Variants in SYNPO2 observed in about 807,000 individuals in gnomAD.
SYNPO2 encodes the protein synaptopodin 2, also known as synaptopodin-2.
In SYNPO2, 56 loss-of-function variants were observed where a neutral mutation model predicts 85.0. That is an observed-to-expected ratio of 0.66 (90% CI 0.53 to 0.82). The LOEUF (loss-of-function observed/expected upper bound fraction) is 0.82, where lower values mean the gene tolerates loss of function less well. SYNPO2 is among the 40% of genes least tolerant of loss of function. SYNPO2 has a pLI of 0.00. For synonymous variants in SYNPO2, 602 were observed against 591.1 expected, an observed-to-expected ratio of 1.02 and a Z score of -0.27; for missense variants, 1,575 against 1,534.2, an observed-to-expected ratio of 1.03 and a Z score of -0.44.
chr4:118,981,398 C>T (rs1736002215), intron 1 of SYNPO2, among the ~76,000 whole-genome samples: 1 of 152,148 alleles, frequency 6.6e-6, no homozygotes, highest in Admixed American at 6.5e-5. Context: ...CCAATTAGAG[C>T]AGACCCCCCA....
intron 1 of SYNPO2, among the ~76,000 whole-genome samples, chr4:119,005,264 G>A (rs1463259014): frequency 6.6e-6 from 1 of 152,110 alleles, no homozygotes; most frequent in Non-Finnish European, 1.5e-5. Flanking sequence ...GGCTTTTGTT[G>A]CCATTGCTTT....
At chr4:118,922,858 A>C (rs531844471) in intron 1 of SYNPO2, among the ~76,000 whole-genome samples, 1 of 152,296 alleles carries the variant, frequency 6.6e-6, no homozygotes, top group South Asian at 2.1e-4. Context: ...ATTCGGCTCC[A>C]GTCTGTTAAA....
intron 1 of SYNPO2, among the ~76,000 whole-genome samples, chr4:118,853,104 ATCACT>A (rs1487040889): frequency 2.6e-5 from 4 of 152,200 alleles, no homozygotes; most frequent in Admixed American, 2.6e-4. Context: ...ATGTAAGAGG[ATCACT>A]TCGTTAATTT....
intron 1 of SYNPO2, among the ~76,000 whole-genome samples, chr4:118,918,605 C>A (rs549920384): frequency 8.5e-5 from 13 of 152,226 alleles, no homozygotes; most frequent in African/African-American, 2.9e-4. Context: ...ATATAGAGTT[C>A]AGATAAAATT....
At position 118,900,737 on chromosome 4, in the gene SYNPO2, GTCTGTCTA is replaced by G. The variant is rs1298479152; in HGVS notation, c.105+11600_105+11607del. On this transcript the variant is annotated intron_variant, in intron 1 of 4. Transcript: ENST00000307142. ...TATATATATATATATATATATGTCT[GTCTGTCTA>G]TCTATCTATCTATCTATCTATCTAT... Among the ~76,000 whole-genome samples the G allele has an allele frequency of 6.6e-4, 54 of 82,222 alleles. 1 individual carries two copies. The highest frequency in any genetic ancestry group is 2.1e-3 in the African/African-American group (51 of 24,330). 53.9% of individuals were successfully genotyped at this position (82,222 alleles called of 152,430 possible).
intron 1 of SYNPO2, among the ~76,000 whole-genome samples, chr4:118,954,501 G>A (rs1734803263): frequency 6.6e-6 from 1 of 152,092 alleles, no homozygotes. Flanking sequence ...GGGCATTTCA[G>A]TTTTAGGCAA....
chr4:118,991,410 A>C (rs1195147156), intron 1 of SYNPO2, among the ~76,000 whole-genome samples: 1 of 151,680 alleles, frequency 6.6e-6, no homozygotes, highest in Admixed American at 6.6e-5. Context: ...AGCCTCCCAA[A>C]GTGTTGGGAT....
chr4:119,002,543 G>T (rs562487733), intron 1 of SYNPO2, among the ~76,000 whole-genome samples: 1 of 152,118 alleles, frequency 6.6e-6, no homozygotes, highest in African/African-American at 2.4e-5. Context: ...CACTGTGCTG[G>T]GCCAATGTCA....
intron 1 of SYNPO2, among the ~76,000 whole-genome samples, chr4:118,894,346 C>T (rs564870919): frequency 6.6e-6 from 1 of 152,112 alleles, no homozygotes; most frequent in Admixed American, 6.6e-5. Flanking sequence ...CTTTCTGAAG[C>T]CAGAATGGAT....
intron 1 of SYNPO2, among the ~76,000 whole-genome samples, chr4:119,005,509 G>C (rs899111628): frequency 8.1e-6 from 1 of 124,056 alleles, no homozygotes; most frequent in African/African-American, 2.7e-5. Context: ...TCTTGTTTTT[G>C]TCAGGTTTGT....
rs777581774 is a variant in SYNPO2 at position 119,057,973 on chromosome 4, T to A, written c.*39T>A. On this transcript the variant is annotated 3_prime_UTR_variant, in exon 5 of 5. Transcript: ENST00000307142. ...GGATCATGTGCCAACTGTAGTTTTT[T>A]AAAAAAAACGCTCCTTTGTAGGGTT... 1.2e-4 allele frequency: 192 copies of A among 1,556,316 alleles called. 1 individual carries two copies. The highest frequency in any genetic ancestry group is 2.9e-4 in the Admixed American group (14 of 48,094).
intron 1 of SYNPO2, among the ~76,000 whole-genome samples, chr4:118,900,477 A>G (rs1732687271): frequency 6.6e-6 from 1 of 151,728 alleles, no homozygotes; most frequent in South Asian, 2.1e-4. Context: ...TTTCCTAGTC[A>G]CTCCCTATAT....
At chr4:118,981,566 C>T (rs1736008354) in intron 1 of SYNPO2, among the ~76,000 whole-genome samples, 1 of 152,160 alleles carries the variant, frequency 6.6e-6, no homozygotes, top group Non-Finnish European at 1.5e-5. Context: ...TGTCTCCATA[C>T]AATGTATGCC....
intron 1 of SYNPO2, among the ~76,000 whole-genome samples, chr4:119,012,157 A>C (rs1332787616): frequency 6.6e-6 from 1 of 151,818 alleles, no homozygotes; most frequent in African/African-American, 2.4e-5. Flanking sequence ...TCCTGACCTC[A>C]AGTGATCTGC....
chr4:118,873,493 T>C lies in SYNPO2; in HGVS notation c.12+22553T>C, dbSNP rs1731840548. Among the ~76,000 whole-genome samples, 7 of 152,222 alleles carry C rather than the reference T, an allele frequency of 4.6e-5. 1 individual carries two copies. The highest frequency in any genetic ancestry group is 4.6e-4 in the Admixed American group (7 of 15,282). On this transcript the variant is annotated intron_variant, in intron 1 of 4. Transcript: ENST00000610556. ...TTCATATGCCTAGTGGCTATTTGTATGTCTTCTTTTGAAAAATGTCTATTC... is the reference window on the plus strand; with the variant it reads ...TTCATATGCCTAGTGGCTATTTGTACGTCTTCTTTTGAAAAATGTCTATTC...
At position 118,890,733 on chromosome 4, in the gene SYNPO2, CTG is replaced by C. The variant is rs112390582; in HGVS notation, c.105+1614_105+1615del. 1.1e-3 allele frequency among the ~76,000 whole-genome samples: 135 copies of C among 126,154 alleles called. 4 individuals are homozygous for C. Among genetic ancestry groups the C allele is most frequent in the South Asian group, 2.5e-3 (9 of 3,578 alleles). 82.8% of individuals were successfully genotyped at this position (126,154 alleles called of 152,430 possible). A position where few individuals can be genotyped will look rare whatever the true frequency, so the allele number is the denominator to read the frequency against. On this transcript the variant is annotated intron_variant, in intron 1 of 4. Transcript: ENST00000307142. Reference sequence around the variant, plus strand: ...TCTCTCTCTCTCTCTCTCTCTCTCTCTGTGTGTGTGTGTGTGTGTGTGTAGGG... The same window carrying C: ...TCTCTCTCTCTCTCTCTCTCTCTCTCTGTGTGTGTGTGTGTGTGTGTAGGG...
chr4:119,050,474 A>G (rs2149200042), intron 4 of SYNPO2, among the ~76,000 whole-genome samples: 1 of 152,268 alleles, frequency 6.6e-6, no homozygotes, highest in East Asian at 1.9e-4. Flanking sequence ...TGGGGAAATT[A>G]CTTACTTTCT....
At chr4:119,029,730 A>G in intron 3 of SYNPO2, 115 bp from the exon 4 acceptor site, 4 of 1,191,626 alleles carry the variant, frequency 3.4e-6, no homozygotes, top group Non-Finnish European at 4.5e-6. Flanking sequence ...TTCTGTACTC[A>G]ATGGCAATTT....
At chr4:119,033,580 G>C (rs1738374810) in intron 4 of SYNPO2, 1 of 985,302 alleles carries the variant, frequency 1.0e-6, no homozygotes, top group Non-Finnish European at 1.2e-6. Flanking sequence ...CAGGAGATAT[G>C]TTTAGAGACC....
Sources: allele counts gnomAD v4.1 joint callset (sites outside exome capture counted in the v4.1 genomes callset), GRCh38; gene constraint gnomAD v4.1.1; transcripts MANE v1.5; gene names NCBI Gene and HGNC (gene_info 2026-07-23, HGNC 2026-07-21).